The following UBE2E3 variants were observed in gnomAD, a reference collection of about 807,000 sequenced individuals.
UBE2E3 encodes the protein ubiquitin conjugating enzyme E2 E3, also known as ubiquitin-conjugating enzyme E2 E3.
In UBE2E3, 5 loss-of-function variants were observed where a neutral mutation model predicts 23.6. The ratio of observed to expected loss-of-function variants is 0.21; its 90% CI spans 0.11 to 0.44. The LOEUF (loss-of-function observed/expected upper bound fraction) is 0.44. Ranked by LOEUF, UBE2E3 falls within the 20% of genes least tolerant of loss-of-function variation. The pLI is 0.99. For missense variants in UBE2E3, 81 were observed against 249.8 expected, an observed-to-expected ratio of 0.32 and a Z score of 4.55; for synonymous variants, 78 against 87.5, an observed-to-expected ratio of 0.89 and a Z score of 0.60.
intron 3 of UBE2E3, among the ~76,000 whole-genome samples, chr2:180,999,641 C>T (rs1041401317): frequency 6.6e-6 from 1 of 151,586 alleles, no homozygotes; most frequent in Non-Finnish European, 1.5e-5. Context: ...CTCCACCCCT[C>T]CCAAAAAAAA....
chr2:181,012,427 TAAAG>T (rs1022772571), intron 3 of UBE2E3, among the ~76,000 whole-genome samples: 1 of 152,168 alleles, frequency 6.6e-6, no homozygotes, highest in Non-Finnish European at 1.5e-5. Flanking sequence ...CTCTTTAAAT[TAAAG>T]AATGTCAAGG....
At chr2:181,060,272 A>AG (rs58666569) in intron 4 of UBE2E3, among the ~76,000 whole-genome samples, 2,728 of 151,752 alleles carry the variant, frequency 0.018, 66 homozygotes, top group African/African-American at 0.062. Context: ...TTAAAAAAAA[A>AG]TCTTCATCAG....
At chr2:180,991,767 T>C (rs1474815221) in intron 3 of UBE2E3, among the ~76,000 whole-genome samples, 2 of 152,166 alleles carry the variant, frequency 1.3e-5, no homozygotes, top group Non-Finnish European at 2.9e-5. Context: ...TGGACACTCC[T>C]GGACTAGAGC....
chr2:181,002,039 C>T (rs1488062919), intron 3 of UBE2E3, among the ~76,000 whole-genome samples: 2 of 152,122 alleles, frequency 1.3e-5, no homozygotes, highest in Non-Finnish European at 2.9e-5. Flanking sequence ...TCCCAAGCAG[C>T]AGACAGTACA....
At chr2:181,032,453 A>G (rs1212416041) in intron 3 of UBE2E3, among the ~76,000 whole-genome samples, 1 of 152,212 alleles carries the variant, frequency 6.6e-6, no homozygotes, top group African/African-American at 2.4e-5. Flanking sequence ...GAACCTCTGT[A>G]GTAGATAGCG....
chr2:181,052,481 T>C (rs1686870242), intron 3 of UBE2E3, among the ~76,000 whole-genome samples: 2 of 152,014 alleles, frequency 1.3e-5, no homozygotes, highest in Admixed American at 1.3e-4. Flanking sequence ...CTGTGTGACA[T>C]TTAAATATCT....
intron 3 of UBE2E3, among the ~76,000 whole-genome samples, chr2:181,045,767 T>C (rs552045881): frequency 6.6e-6 from 1 of 152,234 alleles, no homozygotes; most frequent in Admixed American, 6.5e-5. Context: ...CTTATTAGAA[T>C]AACCTGGGAG....
intron 3 of UBE2E3, among the ~76,000 whole-genome samples, chr2:180,986,699 GTAGT>G (rs747803836): frequency 9.9e-5 from 15 of 152,046 alleles, no homozygotes; most frequent in African/African-American, 1.7e-4. Flanking sequence ...GCTTTCGTGT[GTAGT>G]TATTTAATCA....
At chr2:181,018,442 A>T (rs1394579977) in intron 3 of UBE2E3, among the ~76,000 whole-genome samples, 1 of 151,930 alleles carries the variant, frequency 6.6e-6, no homozygotes, top group Non-Finnish European at 1.5e-5. Context: ...TTGGCCTAGG[A>T]TTGTACAGTT....
At chr2:180,983,737 T>G (rs982622978) in intron 2 of UBE2E3, among the ~76,000 whole-genome samples, 1 of 152,218 alleles carries the variant, frequency 6.6e-6, no homozygotes, top group Admixed American at 6.5e-5. Context: ...AAAGAGAATT[T>G]CTTTGGTAAA....
chr2:180,998,461 G>C lies in UBE2E3; in HGVS notation c.245+14368G>C, dbSNP rs182205941. Among the ~76,000 whole-genome samples, 764 of 152,136 alleles carry C rather than the reference G, an allele frequency of 5.0e-3. 6 individuals are homozygous for C. The highest frequency in any genetic ancestry group is 0.017 in the African/African-American group (725 of 41,522). On this transcript the variant is annotated intron_variant, in intron 3 of 5. Transcript: ENST00000410062. ...GTCTTAGTTGGGATAAGGAGAGTGG[G>C]GAAGGGGCAGGGGGAGATGATGAAA...
At chr2:181,051,010 G>A (rs1004326061) in intron 3 of UBE2E3, among the ~76,000 whole-genome samples, 8 of 151,732 alleles carry the variant, frequency 5.3e-5, no homozygotes, top group African/African-American at 1.9e-4. Flanking sequence ...ATATATAGTT[G>A]AAGTTTCTTC....
chr2:181,033,604 T>G (rs1419149754), intron 3 of UBE2E3, among the ~76,000 whole-genome samples: 1 of 152,068 alleles, frequency 6.6e-6, no homozygotes, highest in Non-Finnish European at 1.5e-5. Flanking sequence ...CAATACCATT[T>G]AGGACATAGG....
At chr2:181,058,024 T>C (rs919089557) in intron 4 of UBE2E3, among the ~76,000 whole-genome samples, 199 bp downstream of exon 4, 1 of 151,628 alleles carries the variant, frequency 6.6e-6, no homozygotes, top group African/African-American at 2.4e-5. Context: ...ACAGAAAGAG[T>C]TTAATTCTTA....
At chr2:181,060,023 G>T (rs1235232784) in intron 4 of UBE2E3, among the ~76,000 whole-genome samples, 1 of 151,486 alleles carries the variant, frequency 6.6e-6, no homozygotes, top group East Asian at 1.9e-4. Flanking sequence ...ACATTTCAGG[G>T]ATATATTAGT....
intron 3 of UBE2E3, among the ~76,000 whole-genome samples, chr2:180,989,637 G>A (rs1478994402): frequency 6.6e-6 from 1 of 152,104 alleles, no homozygotes; most frequent in African/African-American, 2.4e-5. Context: ...TTCCAAAAGA[G>A]TGACCAACTG....
At chr2:181,048,484 C>A (rs1374993446) in intron 3 of UBE2E3, among the ~76,000 whole-genome samples, 1 of 152,048 alleles carries the variant, frequency 6.6e-6, no homozygotes, top group Non-Finnish European at 1.5e-5. Context: ...ATACCATTTC[C>A]TGGTTGGTTG....
intron 3 of UBE2E3, among the ~76,000 whole-genome samples, chr2:180,995,849 T>C (rs1031104427): frequency 6.6e-6 from 1 of 152,112 alleles, no homozygotes; most frequent in Non-Finnish European, 1.5e-5. Flanking sequence ...ATCTGGTTGT[T>C]TTTCTGTGAT....
At chr2:180,981,741 T>G (rs1159665710) in intron 1 of UBE2E3, among the ~76,000 whole-genome samples, 1 of 152,218 alleles carries the variant, frequency 6.6e-6, no homozygotes, top group Non-Finnish European at 1.5e-5. Context: ...CAAATCTGTT[T>G]CATGCCTTCT....
Sources: gnomAD v4.1 joint callset for allele counts (sites outside exome capture counted in the v4.1 genomes callset) on GRCh38, gnomAD v4.1.1 for gene constraint, MANE v1.5 for transcripts, NCBI Gene and HGNC (gene_info 2026-07-23, HGNC 2026-07-21) for gene names.